PCDH15: variants seen among roughly 807,000 people sequenced by gnomAD.
The protein encoded by PCDH15 is protocadherin related 15.
A neutral mutation model predicts 178.5 loss-of-function variants in PCDH15; 129 were observed. The observed-to-expected ratio is 0.72, with a 90% CI of 0.63 to 0.84. The LOEUF (loss-of-function observed/expected upper bound fraction) is 0.84, where lower values mean the gene tolerates loss of function less well. PCDH15 is among the 40% of genes least tolerant of loss of function. The pLI is 0.00. For synonymous variants in PCDH15, 800 were observed against 732.0 expected (o/e 1.09, Z -1.50); for missense variants, 2,230 against 2,099.9 (o/e 1.06, Z -1.21).
intron 2 of PCDH15, among the ~76,000 whole-genome samples, chr10:55,393,185 A>C (rs1047141943): frequency 6.1e-4 from 93 of 152,196 alleles, no homozygotes; most frequent in African/African-American, 2.0e-3. Context: ...TGGTCCTCAA[A>C]TTTAGGTATA....
intron 2 of PCDH15, among the ~76,000 whole-genome samples, chr10:54,967,863 C>G (rs997182058): frequency 6.6e-5 from 10 of 152,086 alleles, no homozygotes; most frequent in African/African-American, 2.4e-4. Flanking sequence ...TTTGCTGTGT[C>G]CTCACATGGA....
At chr10:54,347,654 T>C (rs1300942020) in intron 5 of PCDH15, among the ~76,000 whole-genome samples, 2 of 151,876 alleles carry the variant, frequency 1.3e-5, no homozygotes, top group South Asian at 2.1e-4. Context: ...GAAGCAAGCA[T>C]GATGAGACGG....
chr10:54,242,130 TTATATATATATATA>T (rs57729172), intron 8 of PCDH15, among the ~76,000 whole-genome samples: 1,433 of 31,614 alleles, frequency 0.045, 52 homozygotes, highest in Non-Finnish European at 0.056. Context: ...AATTCTATTT[TTATATATATATATA>T]TATATATATA....
chr10:55,542,100 C>A (rs1000912590), intron 2 of PCDH15, among the ~76,000 whole-genome samples: 1 of 151,464 alleles, frequency 6.6e-6, no homozygotes, highest in Non-Finnish European at 1.5e-5. Context: ...ATGGAAGTAC[C>A]TCTGGAACCT....
intron 3 of PCDH15, among the ~76,000 whole-genome samples, chr10:54,523,199 A>G (rs945982021): frequency 5.9e-5 from 9 of 152,204 alleles, no homozygotes; most frequent in Non-Finnish European, 8.8e-5. Flanking sequence ...GATCAATAAT[A>G]AACAAAATCT....
Position 54,346,501 on chromosome 10 carries a change from T to A in PCDH15, c.475-17A>T, listed in dbSNP as rs778050640. On this transcript the variant is annotated splice_polypyrimidine_tract_variant and intron_variant, in intron 5 of 37. Coordinates refer to ENST00000644397, the MANE Select transcript of PCDH15 (RefSeq NM_001384140.1). ...TGGAGTGAGCTGAAAGGAAAAAAGA[T>A]TTTAAATATCAATTTTCATTTTATC... 6.2e-7 allele frequency: 1 copy of A among 1,612,700 alleles called. No individual in the cohort carries two copies. Among genetic ancestry groups the A allele is most frequent in the Admixed American group, 1.7e-5 (1 of 60,022 alleles).
chr10:55,305,165 A>G (rs751646453), intron 1 of PCDH15, among the ~76,000 whole-genome samples: 92 of 152,190 alleles, frequency 6.0e-4, no homozygotes, highest in Non-Finnish European at 1.2e-3. Context: ...AGTGAATGCA[A>G]CTTCATAGAA....
At chr10:55,397,536 T>C (rs1431977757) in intron 2 of PCDH15, among the ~76,000 whole-genome samples, 4 of 152,098 alleles carry the variant, frequency 2.6e-5, no homozygotes, top group Non-Finnish European at 5.9e-5. Flanking sequence ...GACTATTTTA[T>C]TTTACTCTTC....
intron 2 of PCDH15, among the ~76,000 whole-genome samples, chr10:55,405,564 A>G (rs1342933936): frequency 3.3e-5 from 5 of 151,708 alleles, no homozygotes; most frequent in Non-Finnish European, 7.4e-5. Flanking sequence ...TGGAATTAAC[A>G]TGCAACTAAT....
chr10:54,765,834 A>G (rs1038837658), intron 1 of PCDH15, among the ~76,000 whole-genome samples: 10 of 152,150 alleles, frequency 6.6e-5, no homozygotes, highest in African/African-American at 2.4e-4. Flanking sequence ...GAGGGTAATG[A>G]TATTGAGAAA....
intron 3 of PCDH15, among the ~76,000 whole-genome samples, chr10:54,381,491 G>C (rs1043187337): frequency 3.9e-5 from 6 of 151,994 alleles, no homozygotes; most frequent in Non-Finnish European, 7.4e-5. Context: ...TAAACCTTTT[G>C]CTTAATGTGT....
At chr10:54,176,955 G>C (rs2047499296) in intron 13 of PCDH15, among the ~76,000 whole-genome samples, 1 of 116,058 alleles carries the variant, frequency 8.6e-6, no homozygotes, top group South Asian at 2.3e-4. Flanking sequence ...TTATGTCCAT[G>C]TAAAAAAAAA....
chr10:54,436,026 GGAGAGGAGAGAGAGA>G (rs769888130), intron 3 of PCDH15, among the ~76,000 whole-genome samples: 1 of 107,352 alleles, frequency 9.3e-6, no homozygotes, highest in African/African-American at 4.5e-5. Flanking sequence ...GGAGAGGAGA[GGAGAGGAGAGAGAGA>G]GAGAGAGAGA....
At chr10:55,458,305 G>C (rs897488087) in intron 2 of PCDH15, among the ~76,000 whole-genome samples, 1 of 151,988 alleles carries the variant, frequency 6.6e-6, no homozygotes, top group Non-Finnish European at 1.5e-5. Flanking sequence ...TTCACTTGCA[G>C]GTTCTGCTGA....
chr10:55,538,599 T>TTCCTTCCTCCTTTCCTTCCTTCCTTCC (rs1841661483), intron 2 of PCDH15, among the ~76,000 whole-genome samples: 1 of 60,788 alleles, frequency 1.6e-5, no homozygotes, highest in African/African-American at 7.4e-5. Flanking sequence ...CCTTCCTTCC[T>TTCCTTCCTCCTTTCCTTCCTTCCTTCC]TCCTTTCCTT....
At chr10:55,348,240 T>G (rs1844815015) in intron 2 of PCDH15, among the ~76,000 whole-genome samples, 1 of 152,156 alleles carries the variant, frequency 6.6e-6, no homozygotes, top group African/African-American at 2.4e-5. Context: ...CAAGCCACAT[T>G]TCAAAGGTTG....
intron 25 of PCDH15, among the ~76,000 whole-genome samples, chr10:53,908,553 G>C (rs2082842746): frequency 6.6e-6 from 1 of 152,132 alleles, no homozygotes; most frequent in South Asian, 2.1e-4. Flanking sequence ...TCTGGCCTCT[G>C]TTCCTGACAT....
At chr10:54,308,415 T>C (rs952357933) in intron 8 of PCDH15, among the ~76,000 whole-genome samples, 4 of 152,116 alleles carry the variant, frequency 2.6e-5, no homozygotes, top group Non-Finnish European at 5.9e-5. Flanking sequence ...ACGAACTCAA[T>C]TCCTCCTTTC....
chr10:54,706,813 G>A (rs981024360), intron 1 of PCDH15, among the ~76,000 whole-genome samples: 7 of 151,940 alleles, frequency 4.6e-5, no homozygotes, highest in Admixed American at 2.6e-4. Context: ...TACTAGAGAC[G>A]GGTTTCACCA....
Sources: gnomAD v4.1 joint callset for allele counts (sites outside exome capture counted in the v4.1 genomes callset) on GRCh38, gnomAD v4.1.1 for gene constraint, MANE v1.5 for transcripts, NCBI Gene and HGNC (gene_info 2026-07-23, HGNC 2026-07-21) for gene names.